The following FGF7 variants were observed in gnomAD, a reference collection of about 807,000 sequenced individuals.
FGF7 encodes the protein FGF-7.
In FGF7, 6 loss-of-function variants were observed where a neutral mutation model predicts 20.5. That is an observed-to-expected ratio of 0.29 (90% CI 0.16 to 0.58). The LOEUF (loss-of-function observed/expected upper bound fraction) is 0.58, where lower values mean the gene tolerates loss of function less well. Ranked by LOEUF, FGF7 falls within the 20% of genes least tolerant of loss-of-function variation. FGF7 has a pLI of 0.90. For synonymous variants in FGF7, 64 were observed against 74.7 expected, an observed-to-expected ratio of 0.86 and a Z score of 0.74; for missense variants, 144 against 228.8, an observed-to-expected ratio of 0.63 and a Z score of 2.39.
chr15:49,447,901 A>C (rs1201995098), intron 2 of FGF7, among the ~76,000 whole-genome samples: 1 of 151,694 alleles, frequency 6.6e-6, no homozygotes, highest in African/African-American at 2.4e-5. Flanking sequence ...AATTAATATA[A>C]GGTAGAGGTA....
chr15:49,471,202 G>A (rs2054710023), intron 2 of FGF7, among the ~76,000 whole-genome samples: 1 of 152,020 alleles, frequency 6.6e-6, no homozygotes, highest in Non-Finnish European at 1.5e-5. Flanking sequence ...TGGCAAATGT[G>A]AGGCCGGATA....
chr15:49,454,632 C>G (rs190728519), intron 2 of FGF7, among the ~76,000 whole-genome samples: 1 of 152,048 alleles, frequency 6.6e-6, no homozygotes, highest in African/African-American at 2.4e-5. Context: ...TTTTTTGAGA[C>G]GAAGTCTCGC....
intron 2 of FGF7, among the ~76,000 whole-genome samples, chr15:49,467,712 T>G (rs1326741721): frequency 3.3e-5 from 5 of 152,162 alleles, no homozygotes; most frequent in Non-Finnish European, 7.4e-5. Flanking sequence ...AGACAAATAA[T>G]TCTTTCTGTA....
At chr15:49,433,758 A>C (rs916074789) in intron 2 of FGF7, among the ~76,000 whole-genome samples, 1 of 151,700 alleles carries the variant, frequency 6.6e-6, no homozygotes, top group East Asian at 1.9e-4. Context: ...ATTCTAGAGG[A>C]GCTGTGGCCC....
chr15:49,469,244 T>G (rs2054526255), intron 2 of FGF7, among the ~76,000 whole-genome samples: 1 of 152,182 alleles, frequency 6.6e-6, no homozygotes, highest in African/African-American at 2.4e-5. Context: ...CAAACATATT[T>G]TCTTTTAGAG....
intron 2 of FGF7, among the ~76,000 whole-genome samples, chr15:49,469,045 T>C (rs748270322): frequency 1.3e-5 from 2 of 152,214 alleles, no homozygotes; most frequent in Non-Finnish European, 2.9e-5. Context: ...ATATCTTACA[T>C]GATTTTGACT....
chr15:49,432,767 G>A lies in FGF7; in HGVS notation c.286+8184G>A, dbSNP rs190074534. ...GAGTAATATTTTGTGCATGAATACTGGACAGAAATCCAGGGATTTGCAGTG... is the reference window on the plus strand; with the variant it reads ...GAGTAATATTTTGTGCATGAATACTAGACAGAAATCCAGGGATTTGCAGTG... On this transcript the variant is annotated intron_variant, in intron 2 of 3. Transcript: ENST00000267843. 7.9e-5 allele frequency among the ~76,000 whole-genome samples: 12 copies of A among 151,604 alleles called. No individual in the cohort carries two copies. In the East Asian group the frequency reaches 1.8e-3, roughly 22 times the overall value.
intron 2 of FGF7, among the ~76,000 whole-genome samples, chr15:49,437,822 T>C (rs1285905116): frequency 6.6e-6 from 1 of 151,684 alleles, no homozygotes; most frequent in East Asian, 1.9e-4. Flanking sequence ...AAGAGTCAAT[T>C]TCAGTAGAAT....
intron 2 of FGF7, among the ~76,000 whole-genome samples, chr15:49,441,527 G>A (rs1380597617): frequency 6.6e-6 from 1 of 151,680 alleles, no homozygotes; most frequent in Non-Finnish European, 1.5e-5. Context: ...AGACCAGGAA[G>A]CATTACAGAC....
rs28669217 is a variant in FGF7, at chr15:49,487,591, C to T, written c.*3087C>T. The T allele has an allele frequency of 0.18, 27,946 of 151,530 alleles. 3,170 individuals carry two copies. Among genetic ancestry groups the T allele is most frequent in the Non-Finnish European group, 0.25 (16,938 of 67,740 alleles). 9.4% of individuals were successfully genotyped at this position (151,530 alleles called of 1,614,324 possible). ...GACTGCCAAAGAACATAAAGATGTG[C>T]GAGGGGACCTAGCTGTAGTAAAAGC... On this transcript the variant is annotated 3_prime_UTR_variant, in exon 4 of 4. Transcript: ENST00000267843.
intron 2 of FGF7, among the ~76,000 whole-genome samples, chr15:49,478,753 A>C (rs1477431097): frequency 6.6e-6 from 1 of 152,166 alleles, no homozygotes; most frequent in Non-Finnish European, 1.5e-5. Context: ...TAAAGCTTTA[A>C]ATGTTTCAGG....
chr15:49,448,304 C>A (rs1327694371), intron 2 of FGF7, among the ~76,000 whole-genome samples: 1 of 151,572 alleles, frequency 6.6e-6, no homozygotes, highest in Non-Finnish European at 1.5e-5. Context: ...TTTTCTCCCT[C>A]TTTTCTTTTC....
intron 2 of FGF7, among the ~76,000 whole-genome samples, chr15:49,436,062 G>GA (rs1260559988): frequency 6.6e-6 from 1 of 150,958 alleles, no homozygotes; most frequent in Non-Finnish European, 1.5e-5. Flanking sequence ...TTTCACGGAA[G>GA]AAAAAAAAGA....
intron 2 of FGF7, among the ~76,000 whole-genome samples, chr15:49,459,511 A>G (rs12438856): frequency 0.32 from 49,280 of 151,894 alleles, 8,711 homozygotes; most frequent in African/African-American, 0.45. Flanking sequence ...GCATTTCAGC[A>G]TTGTGTTAAG....
intron 2 of FGF7, among the ~76,000 whole-genome samples, chr15:49,454,176 G>T (rs1159533577): frequency 1.3e-5 from 2 of 152,096 alleles, no homozygotes; most frequent in South Asian, 2.1e-4. Flanking sequence ...TTTATTGAAG[G>T]TTATATAGTT....
At chr15:49,429,685 T>G (rs12594827) in intron 2 of FGF7, among the ~76,000 whole-genome samples, 3,660 of 151,990 alleles carry the variant, frequency 0.024, 115 homozygotes, top group South Asian at 0.15. Flanking sequence ...CTGATGCCAG[T>G]TTCCACCCAC....
intron 2 of FGF7, among the ~76,000 whole-genome samples, chr15:49,472,422 G>A (rs557718156): frequency 7.6e-4 from 116 of 152,274 alleles, no homozygotes; most frequent in South Asian, 1.7e-3. Context: ...ACCTTTTATG[G>A]AAGACTTTTG....
At chr15:49,464,531 T>C (rs1020247154) in intron 2 of FGF7, among the ~76,000 whole-genome samples, 8 of 152,190 alleles carry the variant, frequency 5.3e-5, no homozygotes, top group Non-Finnish European at 1.0e-4. Context: ...AGAACATTTA[T>C]ATATAGGTAG....
At chr15:49,455,277 T>C (rs1410514341) in intron 2 of FGF7, among the ~76,000 whole-genome samples, 1 of 152,190 alleles carries the variant, frequency 6.6e-6, no homozygotes, top group African/African-American at 2.4e-5. Context: ...ATGGTATCCC[T>C]AATGTATAGC....
Sources: gnomAD v4.1 joint callset for allele counts (sites outside exome capture counted in the v4.1 genomes callset) on GRCh38, gnomAD v4.1.1 for gene constraint, MANE v1.5 for transcripts, NCBI Gene and HGNC (gene_info 2026-07-23, HGNC 2026-07-21) for gene names.